SLC9A9: variants seen among roughly 807,000 people sequenced by gnomAD.
The protein encoded by SLC9A9 is sodium/hydrogen exchanger 9.
Under a neutral mutation model 77.8 loss-of-function variants are expected in SLC9A9, and 62 were observed. The ratio of observed to expected loss-of-function variants is 0.80; its 90% CI spans 0.65 to 0.98. The LOEUF is 0.98. SLC9A9 is among the 50% of genes least tolerant of loss of function. The pLI is 0.00. For missense variants in SLC9A9, 775 were observed against 774.9 expected (o/e 1.00, Z 0.00); for synonymous variants, 320 against 283.5 (o/e 1.13, Z -1.29).
rs575936415 is a variant in SLC9A9 at position 143,444,728 on chromosome 3, C to T, written c.1469+22309G>A. On this transcript the variant is annotated intron_variant, in intron 12 of 15. Coordinates refer to ENST00000316549, the MANE Select transcript of SLC9A9 (RefSeq NM_173653.4). The stretch of plus-strand genomic sequence containing the variant: ...GGTGAAGGGGCAATCTTCTTATTTT[C>T]CTTCTCTTCCTTACCCCATTCCTAG... Among the ~76,000 whole-genome samples the T allele has an allele frequency of 9.2e-5, 14 of 152,288 alleles. No homozygotes were observed. In the East Asian group the frequency reaches 2.1e-3, roughly 23 times the overall value.
intron 8 of SLC9A9, 109 bp from the exon 9 acceptor site, chr3:143,552,559 C>A: frequency 1.2e-6 from 1 of 855,818 alleles, no homozygotes; most frequent in Non-Finnish European, 1.9e-6. Context: ...AGAGTTAAAA[C>A]TGCTAGTAGT....
chr3:143,572,596 C>T (rs1006298771), intron 8 of SLC9A9, among the ~76,000 whole-genome samples: 2 of 152,136 alleles, frequency 1.3e-5, no homozygotes, highest in African/African-American at 4.8e-5. Context: ...CCAGCTACCT[C>T]CTTAATAAAG....
chr3:143,332,740 C>A (rs1576430264), intron 14 of SLC9A9, among the ~76,000 whole-genome samples: 1 of 152,300 alleles, frequency 6.6e-6, no homozygotes, highest in Middle Eastern at 3.4e-3. Context: ...GAGGTTTTAT[C>A]TCTTTTAATG....
At chr3:143,573,432 A>G (rs1364680761) in intron 8 of SLC9A9, among the ~76,000 whole-genome samples, 1 of 152,106 alleles carries the variant, frequency 6.6e-6, no homozygotes, top group Non-Finnish European at 1.5e-5. Context: ...CAGTAACCCA[A>G]GCACAAATCC....
chr3:143,633,732 C>A (rs1214362338), intron 6 of SLC9A9, among the ~76,000 whole-genome samples: 2 of 152,124 alleles, frequency 1.3e-5, no homozygotes, highest in African/African-American at 4.8e-5. Context: ...CACACAAGAT[C>A]TATAAAATAC....
intron 9 of SLC9A9, among the ~76,000 whole-genome samples, chr3:143,532,645 T>C (rs2036529563): frequency 6.6e-6 from 1 of 152,196 alleles, no homozygotes; most frequent in Admixed American, 6.5e-5. Context: ...CAGAACTTGC[T>C]CAGAGACCTC....
At chr3:143,584,400 T>G (rs2037507432) in intron 6 of SLC9A9, among the ~76,000 whole-genome samples, 1 of 152,182 alleles carries the variant, frequency 6.6e-6, no homozygotes, top group South Asian at 2.1e-4. Context: ...AACAGCCCGC[T>G]TCTCCAGCCT....
At chr3:143,799,827 C>T (rs1354569655) in intron 2 of SLC9A9, among the ~76,000 whole-genome samples, 2 of 152,202 alleles carry the variant, frequency 1.3e-5, no homozygotes, top group African/African-American at 4.8e-5. Flanking sequence ...GTAACTCTCA[C>T]AGTGGAGGGT....
intron 14 of SLC9A9, among the ~76,000 whole-genome samples, chr3:143,332,447 C>T (rs892120254): frequency 6.6e-6 from 1 of 152,172 alleles, no homozygotes; most frequent in Non-Finnish European, 1.5e-5. Context: ...ATTGGGAAGA[C>T]CATTTGAACC....
intron 6 of SLC9A9, among the ~76,000 whole-genome samples, chr3:143,594,294 G>T (rs2037713991): frequency 6.6e-6 from 1 of 152,196 alleles, no homozygotes; most frequent in Non-Finnish European, 1.5e-5. Context: ...TCAGCAAAAT[G>T]TTCGATGTTG....
At position 143,708,207 on chromosome 3, in the gene SLC9A9, T is replaced by C. The variant is rs1449072756; in HGVS notation, c.534-14900A>G. Among the ~76,000 whole-genome samples, 3 of 152,144 alleles carry C rather than the reference T, an allele frequency of 2.0e-5. No individual in the cohort carries two copies. In the South Asian group the frequency reaches 6.2e-4, roughly 31 times the overall value. On this transcript the variant is annotated intron_variant, in intron 4 of 15. Coordinates refer to ENST00000316549, the MANE Select transcript of SLC9A9 (RefSeq NM_173653.4). ...ACTCGGCATCCTGATTGTGTGTCTATCATATCCACTATCTGGGAGCATACC... is the reference window on the plus strand; with the variant it reads ...ACTCGGCATCCTGATTGTGTGTCTACCATATCCACTATCTGGGAGCATACC...
At chr3:143,513,378 A>C (rs2036149702) in intron 9 of SLC9A9, among the ~76,000 whole-genome samples, 1 of 152,196 alleles carries the variant, frequency 6.6e-6, no homozygotes, top group African/African-American at 2.4e-5. Flanking sequence ...CATCTGTTCA[A>C]GTTTTATCAT....
At position 143,585,321 on chromosome 3, in the gene SLC9A9, AT is replaced by A. The variant is rs1220410187; in HGVS notation, c.756-6599del. Among the ~76,000 whole-genome samples the A allele has an allele frequency of 7.9e-5, 12 of 152,240 alleles. No homozygotes were observed. In the East Asian group the frequency reaches 2.3e-3, roughly 29 times the overall value. On this transcript the variant is annotated intron_variant, in intron 6 of 15. Coordinates refer to ENST00000316549, the MANE Select transcript of SLC9A9 (RefSeq NM_173653.4). Reference sequence around the variant, plus strand: ...ATGCATATCTGATTGTTTCTGCCCTATAGTTTATGTAAAAATACAGATTTCA... The same window carrying A: ...ATGCATATCTGATTGTTTCTGCCCTAAGTTTATGTAAAAATACAGATTTCA...
At chr3:143,834,232 G>C (rs894037183) in intron 1 of SLC9A9, among the ~76,000 whole-genome samples, 1 of 152,082 alleles carries the variant, frequency 6.6e-6, no homozygotes, top group Non-Finnish European at 1.5e-5. Flanking sequence ...TTATAGATAC[G>C]TAACCCTCAC....
intron 12 of SLC9A9, among the ~76,000 whole-genome samples, chr3:143,392,571 T>C (rs963642058): frequency 6.6e-6 from 1 of 152,154 alleles, no homozygotes; most frequent in Non-Finnish European, 1.5e-5. Context: ...GCTAACATCA[T>C]AATGACAGGA....
intron 6 of SLC9A9, among the ~76,000 whole-genome samples, chr3:143,645,949 G>A (rs1242080): frequency 0.031 from 4,705 of 152,150 alleles, 105 homozygotes; most frequent in Middle Eastern, 0.088. Context: ...TATTTTATGA[G>A]TAGGTTTCAG....
chr3:143,282,657 T>C (rs1938257569), intron 14 of SLC9A9, among the ~76,000 whole-genome samples: 1 of 152,194 alleles, frequency 6.6e-6, no homozygotes. Context: ...TAATGGACTC[T>C]CTGGAGCTCC....
intron 12 of SLC9A9, among the ~76,000 whole-genome samples, chr3:143,420,029 G>T (rs1246252495): frequency 2.0e-5 from 3 of 152,188 alleles, no homozygotes; most frequent in Non-Finnish European, 4.4e-5. Context: ...TTGTCTAAAT[G>T]GGACATGGCC....
intron 4 of SLC9A9, among the ~76,000 whole-genome samples, chr3:143,720,533 A>G (rs1420643832): frequency 6.6e-6 from 1 of 152,162 alleles, no homozygotes; most frequent in African/African-American, 2.4e-5. Flanking sequence ...TTTTCATTCC[A>G]TCCAGGTGTA....
Sources: allele counts gnomAD v4.1 joint callset (sites outside exome capture counted in the v4.1 genomes callset), GRCh38; gene constraint gnomAD v4.1.1; transcripts MANE v1.5; gene names NCBI Gene and HGNC (gene_info 2026-07-23, HGNC 2026-07-21).